Variants in KIAA1549 observed in about 807,000 individuals in gnomAD.
The protein encoded by KIAA1549 is UPF0606 protein KIAA1549.
KIAA1549 carries 70 observed loss-of-function variants against 156.4 expected under a neutral mutation model. The observed-to-expected ratio is 0.45, with a 90% CI of 0.37 to 0.55. The LOEUF is 0.55. KIAA1549 is among the 20% of genes least tolerant of loss of function. The pLI, the probability that KIAA1549 is intolerant of heterozygous loss-of-function variation, is 0.00. For missense variants in KIAA1549, 2,428 were observed against 2,540.9 expected (o/e 0.96, Z 0.96); for synonymous variants, 1,103 against 1,066.4 (o/e 1.03, Z -0.67).
At chr7:138,849,237 C>T (rs907645907) in intron 17 of KIAA1549, among the ~76,000 whole-genome samples, 3 of 151,876 alleles carry the variant, frequency 2.0e-5, no homozygotes, top group African/African-American at 7.3e-5. Flanking sequence ...TATTTATTTT[C>T]TATTTCATTA....
chr7:138,958,403 A>G (rs938385454), intron 1 of KIAA1549, among the ~76,000 whole-genome samples: 12 of 152,202 alleles, frequency 7.9e-5, no homozygotes, highest in Non-Finnish European at 1.3e-4. Context: ...AAAAGGCTGA[A>G]ATTCATCCTG....
Position 138,917,058 on chromosome 7 carries a change from G to T in KIAA1549, c.2568C>A (p.Pro856=). Residue 856 remains proline (P), a synonymous_variant, in exon 2 of 20, where the codon CCC becomes CCA. Transcript: ENST00000422774. The part of the protein sequence containing the change: ...SGSSFVSEAT[P]FPLPTELTVV... ...CGGTCAGCTCTGTGGGCAGAGGGAA[G>T]GGGGTTGCTTCAGAAACAAACGAGG... The T allele has an allele frequency of 6.2e-7, 1 of 1,607,864 alleles. No homozygotes were observed. The highest frequency in any genetic ancestry group is 1.1e-5 in the South Asian group (1 of 89,702).
intron 7 of KIAA1549, among the ~76,000 whole-genome samples, chr7:138,904,611 T>G (rs998424610): frequency 1.5e-5 from 1 of 66,008 alleles, no homozygotes; most frequent in Admixed American, 2.1e-4. Context: ...TCTGACCCAC[T>G]CCCCTAAGAC....
chr7:138,855,462 GT>G (rs1393601006), intron 16 of KIAA1549, among the ~76,000 whole-genome samples: 1 of 152,200 alleles, frequency 6.6e-6, no homozygotes, highest in Non-Finnish European at 1.5e-5. Flanking sequence ...AGAGATGACG[GT>G]GGCTCCAACT....
chr7:138,936,540 T>C (rs920581851), intron 1 of KIAA1549, among the ~76,000 whole-genome samples: 3 of 152,214 alleles, frequency 2.0e-5, no homozygotes, highest in African/African-American at 7.2e-5. Context: ...CATTGCCTGC[T>C]TCTTCGCTCA....
At chr7:138,936,998 A>C (rs1181033438) in intron 1 of KIAA1549, among the ~76,000 whole-genome samples, 1 of 152,142 alleles carries the variant, frequency 6.6e-6, no homozygotes, top group Non-Finnish European at 1.5e-5. Context: ...AAAGGAAAGA[A>C]ACAATCAAAC....
intron 10 of KIAA1549, 47 bp downstream of exon 10, chr7:138,894,295 C>A (rs1239558235): frequency 1.3e-6 from 2 of 1,590,692 alleles, no homozygotes; most frequent in Non-Finnish European, 1.7e-6. Context: ...TATCCCTGCC[C>A]CACAAAACTG....
At chr7:138,894,580 G>C (rs1168695423) in intron 9 of KIAA1549, 54 bp from the exon 10 acceptor site, 1 of 1,545,038 alleles carries the variant, frequency 6.5e-7, no homozygotes, top group Non-Finnish European at 8.9e-7. Context: ...TCATGCACTA[G>C]ATTGCACGTG....
rs772708352 is a variant in KIAA1549 at position 138,871,169 on chromosome 7, T to G, written c.4539A>C (p.Lys1513Asn). Residue 1513 changes from lysine to asparagine, a missense_variant, in exon 13 of 20, where the codon AAA (lysine) becomes AAC (asparagine). Lys to Asn is a moderately conservative substitution (Grantham distance 94, BLOSUM62 0). This residue lies in a region of KIAA1549 where 404 missense variants were observed against 417.0 expected (regional missense o/e 0.97). Coordinates refer to ENST00000422774, the MANE Select transcript of KIAA1549 (RefSeq NM_001164665.2). ...SPADRVAESN[K>N]INKEIQTALR... ...TAAAAGCAAATACCTCTTTGTTGATTTTATTGCTTTCCGCCACTCGGTCGG... is the reference window on the plus strand; with the variant it reads ...TAAAAGCAAATACCTCTTTGTTGATGTTATTGCTTTCCGCCACTCGGTCGG... 1 of 1,612,282 alleles carries G rather than the reference T, an allele frequency of 6.2e-7. No individual in the cohort carries two copies. Among genetic ancestry groups the G allele is most frequent in the Admixed American group, 1.7e-5 (1 of 60,016 alleles).
intron 12 of KIAA1549, among the ~76,000 whole-genome samples, chr7:138,871,725 C>T (rs1810943777): frequency 1.3e-5 from 2 of 152,218 alleles, no homozygotes; most frequent in Admixed American, 1.3e-4. Flanking sequence ...TCACAGAACT[C>T]TCAGAAAACA....
At chr7:138,957,115 G>A (rs943092061) in intron 1 of KIAA1549, among the ~76,000 whole-genome samples, 2 of 152,198 alleles carry the variant, frequency 1.3e-5, no homozygotes, top group African/African-American at 2.4e-5. Context: ...AACAGCATGT[G>A]CAAAGGCACA....
At chr7:138,862,068 A>C (rs1423269174) in intron 15 of KIAA1549, among the ~76,000 whole-genome samples, 1 of 152,220 alleles carries the variant, frequency 6.6e-6, no homozygotes, top group Non-Finnish European at 1.5e-5. Flanking sequence ...CATATTTCAA[A>C]GTTTATGTAT....
At chr7:138,929,330 T>G (rs1278454459) in intron 1 of KIAA1549, among the ~76,000 whole-genome samples, 1 of 152,238 alleles carries the variant, frequency 6.6e-6, no homozygotes, top group Non-Finnish European at 1.5e-5. Context: ...AGAAACCACT[T>G]TCTTTGCTCA....
intron 1 of KIAA1549, among the ~76,000 whole-genome samples, chr7:138,937,489 T>G (rs757062476): frequency 6.6e-6 from 1 of 152,176 alleles, no homozygotes; most frequent in Non-Finnish European, 1.5e-5. Flanking sequence ...AAAGGTCCCC[T>G]GCTCACAACT....
chr7:138,842,255 G>C (rs1407248130), intron 18 of KIAA1549, among the ~76,000 whole-genome samples: 2 of 152,274 alleles, frequency 1.3e-5, no homozygotes, highest in East Asian at 1.9e-4. Flanking sequence ...TACAGCACAG[G>C]CTTCCCCCAT....
At chr7:138,913,706 T>C (rs1316801477) in intron 2 of KIAA1549, among the ~76,000 whole-genome samples, 1 of 152,152 alleles carries the variant, frequency 6.6e-6, no homozygotes, top group African/African-American at 2.4e-5. Flanking sequence ...CCTTTATTAG[T>C]TTATGAGACC....
At chr7:138,953,881 G>A (rs750260284) in intron 1 of KIAA1549, among the ~76,000 whole-genome samples, 25 of 152,038 alleles carry the variant, frequency 1.6e-4, no homozygotes, top group Non-Finnish European at 3.1e-4. Flanking sequence ...CTGAAATCGG[G>A]GTGAATCTAG....
intron 10 of KIAA1549, among the ~76,000 whole-genome samples, chr7:138,887,425 C>T (rs765405843): frequency 1.1e-4 from 16 of 152,138 alleles, no homozygotes; most frequent in Non-Finnish European, 2.4e-4. Flanking sequence ...ACCCAAACCC[C>T]GGGGAGCAGA....
At chr7:138,865,976 G>A (rs1273386499) in intron 15 of KIAA1549, among the ~76,000 whole-genome samples, 1 of 152,134 alleles carries the variant, frequency 6.6e-6, no homozygotes, top group South Asian at 2.1e-4. Context: ...ACTTGGCACA[G>A]TTTACAAAAG....
Sources: allele counts gnomAD v4.1 joint callset (sites outside exome capture counted in the v4.1 genomes callset), GRCh38; gene constraint gnomAD v4.1.1; regional missense constraint gnomAD v4.1.1; transcripts MANE v1.5; gene names NCBI Gene and HGNC (gene_info 2026-07-23, HGNC 2026-07-21).